The following PCDHGA4 variants were observed in gnomAD, a reference collection of about 807,000 sequenced individuals.
PCDHGA4 encodes the protein protocadherin gamma subfamily A, 4, also known as protocadherin gamma-A4.
In PCDHGA4, 38 loss-of-function variants were observed where a neutral mutation model predicts 54.6. The observed-to-expected ratio is 0.70, with a 90% CI of 0.54 to 0.91. The LOEUF is 0.91. PCDHGA4 is among the 40% of genes least tolerant of loss of function. The pLI is 0.00. For missense variants in PCDHGA4, 1,298 were observed against 1,220.9 expected (o/e 1.06, Z -0.94); for synonymous variants, 511 against 512.9 (o/e 1.00, Z 0.05).
chr5:141,356,284 C>G lies in PCDHGA4; in HGVS notation c.1177C>G (p.Pro393Ala), dbSNP rs2149790554. The G allele has an allele frequency of 1.3e-6, 2 of 1,556,978 alleles. No individual in the cohort carries two copies. Among genetic ancestry groups the G allele is most frequent in the East Asian group, 4.8e-5 (2 of 41,330 alleles). The change falls in exon 1 of 4, where the codon CCG (proline) becomes GCG (alanine). Residue 393 changes from proline (P) to alanine (A), a missense_variant. Coordinates refer to ENST00000571252, the MANE Select transcript of PCDHGA4 (RefSeq NM_018917.4). ...LTSSVQESSS[P>A]GTVIALFNVH... ...CAGCTCAGTCCAGGAATCTTCTTCC[C>G]CGGGTACAGTAATTGCACTTTTCAA...
intron 1 of PCDHGA4, chr5:141,471,546 G>T (rs1271594387): frequency 6.6e-6 from 1 of 152,202 alleles, no homozygotes; most frequent in African/African-American, 2.4e-5. Flanking sequence ...AGCATTTAAG[G>T]TTGCTTTGAC....
intron 1 of PCDHGA4, among the ~76,000 whole-genome samples, chr5:141,454,371 G>A (rs901551817): frequency 6.6e-6 from 1 of 152,096 alleles, no homozygotes; most frequent in Non-Finnish European, 1.5e-5. Context: ...AAGGAGTATG[G>A]CAACTTGTCA....
chr5:141,414,271 C>T (rs1561747971), intron 1 of PCDHGA4: 3 of 1,613,292 alleles, frequency 1.9e-6, no homozygotes, highest in East Asian at 2.2e-5. Context: ...AGATTCACCT[C>T]TGGGAACAGT....
chr5:141,356,417 C>T lies in PCDHGA4; in HGVS notation c.1310C>T (p.Thr437Ile). The change falls in exon 1 of 4, where the codon ACA becomes ATA. Residue 437 changes from threonine to isoleucine, a missense_variant. Transcript: ENST00000571252. ...KTYGNYYRLL[T>I]HRTLDREEVS... is the part of the protein sequence containing the mutation. ...TATGGAAATTATTATCGGTTGTTGA[C>T]ACACAGAACACTGGACAGGGAAGAA... 6.2e-7 allele frequency: 1 copy of T among 1,603,636 alleles called. No individual in the cohort carries two copies. Among genetic ancestry groups the T allele is most frequent in the South Asian group, 1.1e-5 (1 of 89,772 alleles).
chr5:141,400,091 C>T, intron 1 of PCDHGA4: 4 of 1,614,072 alleles, frequency 2.5e-6, no homozygotes, highest in South Asian at 1.1e-5. Context: ...GCCACCGCCA[C>T]GCTGCACTTG....
At chr5:141,418,740 TG>T in intron 1 of PCDHGA4, 1 of 1,613,972 alleles carries the variant, frequency 6.2e-7, no homozygotes, top group Non-Finnish European at 8.5e-7. Context: ...GTGTTCTCTC[TG>T]GATTACACTA....
intron 1 of PCDHGA4, among the ~76,000 whole-genome samples, chr5:141,368,366 C>CAT (rs1765610966): frequency 6.6e-6 from 1 of 151,978 alleles, no homozygotes; most frequent in African/African-American, 2.4e-5. Context: ...TATATACACA[C>CAT]ATATATATAC....
intron 1 of PCDHGA4, chr5:141,400,304 G>A (rs760976345): frequency 4.3e-6 from 7 of 1,613,930 alleles, no homozygotes; most frequent in African/African-American, 1.3e-5. Context: ...TTCCAACCTG[G>A]TCTCTGTGTC....
At chr5:141,401,566 C>G (rs2094168998) in intron 1 of PCDHGA4, among the ~76,000 whole-genome samples, 1 of 152,312 alleles carries the variant, frequency 6.6e-6, no homozygotes, top group African/African-American at 2.4e-5. Context: ...CTGAATTTCT[C>G]TTGCTCGGAA....
intron 1 of PCDHGA4, chr5:141,399,194 C>T (rs770516092): frequency 1.2e-6 from 2 of 1,613,838 alleles, no homozygotes; most frequent in South Asian, 1.1e-5. Context: ...CTGGAAAACG[C>T]GGTGCCTGGA....
chr5:141,445,272 T>C (rs1057201147), intron 1 of PCDHGA4, among the ~76,000 whole-genome samples: 1 of 152,236 alleles, frequency 6.6e-6, no homozygotes, highest in Non-Finnish European at 1.5e-5. Flanking sequence ...TCGAAACCAC[T>C]CTGCATAAGT....
intron 1 of PCDHGA4, chr5:141,375,707 C>T (rs1483627086): frequency 1.1e-5 from 17 of 1,614,146 alleles, no homozygotes; most frequent in Non-Finnish European, 1.3e-5. Context: ...GGACCCGCCT[C>T]TTAGCAGCAA....
intron 1 of PCDHGA4, chr5:141,389,762 A>C (rs778570717): frequency 1.2e-6 from 2 of 1,612,968 alleles, no homozygotes; most frequent in Non-Finnish European, 1.7e-6. Flanking sequence ...AAGTGCGCAC[A>C]GCGCGTGCCT....
At chr5:141,447,768 T>C (rs1392134454) in intron 1 of PCDHGA4, among the ~76,000 whole-genome samples, 1 of 152,212 alleles carries the variant, frequency 6.6e-6, no homozygotes, top group East Asian at 1.9e-4. Context: ...ATATAAATTA[T>C]ACTTTAATTG....
intron 1 of PCDHGA4, among the ~76,000 whole-genome samples, chr5:141,381,126 A>G (rs772022914): frequency 2.6e-5 from 4 of 152,232 alleles, no homozygotes; most frequent in Non-Finnish European, 5.9e-5. Context: ...TGTATTCTGG[A>G]GCAATGCCAC....
intron 1 of PCDHGA4, chr5:141,430,592 C>A (rs2097296542): frequency 1.8e-6 from 1 of 544,568 alleles, no homozygotes; most frequent in Non-Finnish European, 2.9e-6. Flanking sequence ...TCGCCTTGCA[C>A]GCGCCTGAAG....
Position 141,490,122 on chromosome 5 carries a change from C to T in PCDHGA4, c.2515-4685C>T. 3 of 1,614,260 alleles carry T rather than the reference C, an allele frequency of 1.9e-6. No homozygotes were observed. The highest frequency in any genetic ancestry group is 2.5e-6 in the Non-Finnish European group (3 of 1,180,046). On this transcript the variant is annotated intron_variant, in intron 1 of 3. Coordinates refer to ENST00000571252, the MANE Select transcript of PCDHGA4 (RefSeq NM_018917.4). The surrounding 1 kb of genome is among the most constrained non-coding windows in gnomAD (Gnocchi z 5.4). ...CTGAGGCAGTGCGGAACCTCTTTGG[C>T]CTAGACCCTAGCAGTGGGGCAATCC... is the stretch of plus-strand genomic sequence containing the variant.
At chr5:141,399,987 A>T in intron 1 of PCDHGA4, 1 of 1,612,224 alleles carries the variant, frequency 6.2e-7, no homozygotes, top group Non-Finnish European at 8.5e-7. Flanking sequence ...TGCGCACAGG[A>T]GAGGTGCGCA....
chr5:141,502,402 A>T (rs1317862793), intron 2 of PCDHGA4, among the ~76,000 whole-genome samples: 1 of 151,976 alleles, frequency 6.6e-6, no homozygotes, highest in Admixed American at 6.6e-5. Flanking sequence ...AATGTCCCCG[A>T]ACCTGGATTT....
Sources: gnomAD v4.1 joint callset for allele counts (sites outside exome capture counted in the v4.1 genomes callset) on GRCh38, gnomAD v4.1.1 for gene constraint, Gnocchi (gnomAD v3.1) non-coding constraint, MANE v1.5 for transcripts, NCBI Gene and HGNC (gene_info 2026-07-23, HGNC 2026-07-21) for gene names.